TACC2: variants seen among roughly 807,000 people sequenced by gnomAD.
TACC2 encodes transforming acidic coiled-coil-containing protein 2.
A neutral mutation model predicts 227.3 loss-of-function variants in TACC2; 137 were observed. The observed-to-expected ratio is 0.60, with a 90% CI of 0.52 to 0.69. The LOEUF is 0.69. Among genes scored for constraint, TACC2 ranks in the 30% least tolerant of loss-of-function variants. The pLI, the probability that TACC2 is intolerant of heterozygous loss-of-function variation, is 0.00. For missense variants in TACC2, 3,470 were observed against 3,694.4 expected, an observed-to-expected ratio of 0.94 and a Z score of 1.57; for synonymous variants, 1,523 against 1,487.5, an observed-to-expected ratio of 1.02 and a Z score of -0.55.
intron 14 of TACC2, 66 bp downstream of exon 14, chr10:122,228,074 A>G: frequency 6.5e-7 from 1 of 1,527,014 alleles, no homozygotes; most frequent in Non-Finnish European, 8.9e-7. Context: ...TATTGTCACC[A>G]AGAAGGCCAG....
chr10:122,131,379 C>T (rs79097286), intron 5 of TACC2, among the ~76,000 whole-genome samples: 4,984 of 151,994 alleles, frequency 0.033, 146 homozygotes, highest in East Asian at 0.12. Context: ...GGGACCTCCC[C>T]GATGAAATAA....
chr10:122,249,510 AAG>A (rs1242248056), intron 21 of TACC2, 32 bp from the exon 22 acceptor site: 1 of 1,608,084 alleles, frequency 6.2e-7, no homozygotes, highest in Admixed American at 1.7e-5. Context: ...TGATCCACAA[AAG>A]AGTGATAATT....
Position 122,083,875 on chromosome 10 carries a change from G to A in TACC2, c.1375G>A (p.Glu459Lys). The A allele has an allele frequency of 1.2e-6, 2 of 1,614,194 alleles. No homozygotes were observed. The highest frequency in any genetic ancestry group is 1.7e-6 in the Non-Finnish European group (2 of 1,180,048). The change falls in exon 4 of 23, where the codon GAG becomes AAG. Residue 459 changes from glutamate (E) to lysine (K), a missense_variant. This residue lies in a region of TACC2 where 1,924 missense variants were observed against 1,978.3 expected (regional missense o/e 0.97). Transcript: ENST00000369005. ...GCCAGTTTCTGCAGATGCAGCCAAA[G>A]AGGTGGTGGATGCAGGGTTGGTGGG... ...GMPVSADAAK[E>K]VVDAGLVGLE...
intron 3 of TACC2, among the ~76,000 whole-genome samples, chr10:122,074,081 CT>C (rs3981240): frequency 0.051 from 6,681 of 132,070 alleles, 463 homozygotes; most frequent in African/African-American, 0.17. Flanking sequence ...CACCCGGCAT[CT>C]TTTTTTTTTT....
chr10:122,172,661 C>A (rs2093532927), intron 7 of TACC2, among the ~76,000 whole-genome samples: 1 of 152,208 alleles, frequency 6.6e-6, no homozygotes, highest in Non-Finnish European at 1.5e-5. Context: ...CCAGCTGAGC[C>A]TCTTTCAGAA....
intron 11 of TACC2, among the ~76,000 whole-genome samples, chr10:122,223,578 A>G (rs1476913225): frequency 6.6e-6 from 1 of 152,130 alleles, no homozygotes; most frequent in East Asian, 1.9e-4. Context: ...AGATTTAGAG[A>G]TTCCTGAAAG....
chr10:122,086,141 A>G lies in TACC2; in HGVS notation c.3641A>G (p.Gln1214Arg), dbSNP rs753999926. 17 of 1,613,460 alleles carry G rather than the reference A, an allele frequency of 1.1e-5. No homozygotes were observed. Among genetic ancestry groups the G allele is most frequent in the Non-Finnish European group, 1.4e-5 (17 of 1,179,974 alleles). ...PRSTMDFSTH[Q>R]AVPDPKELLL... ...AGCACCATGGATTTTTCTACACACC[A>G]GGCTGTCCCAGACCCAAAGGAGCTC... Residue 1214 changes from glutamine to arginine, a missense_variant, in exon 4 of 23, where the codon CAG becomes CGG. Physicochemically the swap from Gln to Arg is conservative, Grantham distance 43 (BLOSUM62 1). This residue lies in a region of TACC2 where 1,924 missense variants were observed against 1,978.3 expected (regional missense o/e 0.97). Transcript: ENST00000369005.
In TACC2 at chr10:122,050,742, A is replaced by C. The variant is rs2075580773; in HGVS notation, c.146+192A>C. 5.7e-6 allele frequency: 3 copies of C among 526,328 alleles called. No homozygotes were observed. The East Asian group carries it at 9.3e-5, about 16-fold the overall frequency. 32.6% of individuals were successfully genotyped at this position (526,328 alleles called of 1,614,324 possible). ...ACTGGCTAGGCCTGCATGATTGAAA[A>C]ATTCATCCTGATTGCCTGCCCAAAG... On this transcript the variant is annotated intron_variant, in intron 3 of 22. Transcript: ENST00000369005. The surrounding 1 kb of genome is among the most constrained non-coding windows in gnomAD (Gnocchi z 4.6).
intron 6 of TACC2, among the ~76,000 whole-genome samples, chr10:122,142,335 C>T (rs1035210856): frequency 1.3e-5 from 2 of 152,212 alleles, no homozygotes; most frequent in Non-Finnish European, 2.9e-5. Flanking sequence ...TGCGATCCTG[C>T]GGTGGATGTG....
At chr10:122,117,222 G>A (rs2084866387) in intron 5 of TACC2, among the ~76,000 whole-genome samples, 1 of 142,972 alleles carries the variant, frequency 7.0e-6, no homozygotes, top group Non-Finnish European at 1.5e-5. Context: ...TTGAGACAGA[G>A]TCTCGCTCTG....
intron 7 of TACC2, among the ~76,000 whole-genome samples, chr10:122,171,015 T>TGTGAGCAGTAGATTAGGGGCC (rs1390943926): frequency 3.1e-5 from 2 of 65,228 alleles, no homozygotes; most frequent in East Asian, 5.8e-4. Context: ...GGTGTGTGGC[T>TGTGAGCAGTAGATTAGGGGCC]GTGAGCAGTA....
chr10:121,994,055 C>T (rs1457546157), intron 1 of TACC2, among the ~76,000 whole-genome samples: 4 of 152,192 alleles, frequency 2.6e-5, no homozygotes, highest in Admixed American at 2.6e-4. Context: ...GCTCCTCACC[C>T]TTTCTCCAGC....
chr10:122,146,092 G>A (rs1186536206), intron 7 of TACC2, among the ~76,000 whole-genome samples: 1 of 152,184 alleles, frequency 6.6e-6, no homozygotes, highest in Non-Finnish European at 1.5e-5. Context: ...GGGGAGAAGT[G>A]CAGCACCCTG....
intron 2 of TACC2, among the ~76,000 whole-genome samples, chr10:122,041,694 A>G (rs1459498484): frequency 6.6e-6 from 1 of 151,980 alleles, no homozygotes; most frequent in Non-Finnish European, 1.5e-5. Flanking sequence ...TAACCCACCC[A>G]CCTTGGCCTC....
In TACC2 at chr10:122,087,258, A is replaced by G. The variant is rs1052820093; in HGVS notation, c.4758A>G (p.Glu1586=). 6.2e-7 allele frequency: 1 copy of G among 1,613,678 alleles called. No individual in the cohort carries two copies. Among genetic ancestry groups the G allele is most frequent in the African/African-American group, 1.3e-5 (1 of 74,946 alleles). Residue 1586 remains glutamate, a synonymous_variant, in exon 4 of 23, where the codon GAA becomes GAG. Transcript: ENST00000369005. ...AFQVAPHSHG[E]EAVAQDRIPS... ...AGGTGGCTCCCCATAGCCATGGAGA[A>G]GAGGCCGTGGCCCAAGACAGAATTC...
At chr10:122,125,384 A>G (rs1307128174) in intron 5 of TACC2, among the ~76,000 whole-genome samples, 3 of 150,850 alleles carry the variant, frequency 2.0e-5, no homozygotes, top group Non-Finnish European at 4.4e-5. Context: ...TTTTTTTAGT[A>G]GAGATTGGGT....
At chr10:122,154,801 C>A (rs1026164370) in intron 7 of TACC2, among the ~76,000 whole-genome samples, 1 of 152,194 alleles carries the variant, frequency 6.6e-6, no homozygotes, top group Non-Finnish European at 1.5e-5. Context: ...CAGGCGCGCA[C>A]CCACCCACGC....
chr10:122,251,589 A>C (rs2096256182), intron 22 of TACC2, among the ~76,000 whole-genome samples: 1 of 152,304 alleles, frequency 6.6e-6, no homozygotes, highest in East Asian at 1.9e-4. Flanking sequence ...GGTCCCAGCT[A>C]TTCGGGAGGC....
intron 3 of TACC2, among the ~76,000 whole-genome samples, chr10:122,067,271 T>C (rs2077485436): frequency 6.6e-6 from 1 of 152,194 alleles, no homozygotes; most frequent in Non-Finnish European, 1.5e-5. Flanking sequence ...GAAAAATCTT[T>C]ATTTCACCTG....
Sources: gnomAD v4.1 joint callset for allele counts (sites outside exome capture counted in the v4.1 genomes callset) on GRCh38, gnomAD v4.1.1 for gene constraint, gnomAD v4.1.1 regional missense constraint, Gnocchi (gnomAD v3.1) non-coding constraint, MANE v1.5 for transcripts, NCBI Gene and HGNC (gene_info 2026-07-23, HGNC 2026-07-21) for gene names.